TENM1: variants seen among roughly 807,000 people sequenced by gnomAD.
TENM1 encodes the protein teneurin-1.
In TENM1, 35 loss-of-function variants were observed where a neutral mutation model predicts 174.8. That is an observed-to-expected ratio of 0.20 (90% CI 0.15 to 0.27). TENM1 has a LOEUF of 0.27. Ranked by LOEUF, TENM1 falls within the 10% of genes least tolerant of loss-of-function variation. TENM1 has a pLI of 1.00. For synonymous variants in TENM1, 781 were observed against 798.7 expected (o/e 0.98, Z 0.37); for missense variants, 1,633 against 2,130.1 (o/e 0.77, Z 4.59).
At chrX:124,550,690 A>G (rs1376984905) in intron 14 of TENM1, among the ~76,000 whole-genome samples, 2 of 112,123 alleles carry the variant, frequency 1.8e-5, no homozygotes, top group African/African-American at 6.5e-5. Context: ...ATACATAGGT[A>G]TTTAGAGCAC....
intron 11 of TENM1, among the ~76,000 whole-genome samples, chrX:124,579,390 C>T (rs867746020): frequency 9.1e-6 from 1 of 109,424 alleles, no homozygotes; most frequent in Non-Finnish European, 1.9e-5. Context: ...TCTTTTCATG[C>T]TTTGGGGCTC....
chrX:124,416,903 T>C (rs1322283632), intron 25 of TENM1, among the ~76,000 whole-genome samples: 1 of 111,646 alleles, frequency 9.0e-6, no homozygotes, highest in African/African-American at 3.3e-5. Context: ...CTAGGTCCCT[T>C]TTCACTGTCC....
intron 5 of TENM1, among the ~76,000 whole-genome samples, chrX:124,699,675 A>C (rs1367463272): frequency 8.9e-6 from 1 of 111,785 alleles, no homozygotes; most frequent in Non-Finnish European, 1.9e-5. Context: ...AGTATGTTTA[A>C]TTTGGATTGG....
intron 4 of TENM1, among the ~76,000 whole-genome samples, chrX:124,706,776 T>G (rs977552254): frequency 9.0e-6 from 1 of 111,424 alleles, no homozygotes; most frequent in African/African-American, 3.3e-5. Flanking sequence ...GAACACTCAT[T>G]AGTATCTCTT....
the TENM1 span, among the ~76,000 whole-genome samples, chrX:125,011,720 T>C: frequency 2.7e-5 from 3 of 111,786 alleles, no homozygotes; most frequent in East Asian, 8.5e-4. Context: ...GAAATAGGAA[T>C]GCTTTTACAC....
chrX:124,392,026 C>A, intron 28 of TENM1, 26 bp downstream of exon 31: 1 of 1,153,961 alleles, frequency 8.7e-7, no homozygotes, highest in Non-Finnish European at 1.2e-6. Flanking sequence ...AAACTTGAAA[C>A]TTGTCTTTTT....
chrX:124,730,900 G>A (rs926632435), intron 4 of TENM1, among the ~76,000 whole-genome samples: 1 of 111,546 alleles, frequency 9.0e-6, no homozygotes, highest in African/African-American at 3.3e-5. Context: ...CTGAAGTAAA[G>A]TAGGTACAAT....
In TENM1 at chrX:124,480,607, A is replaced by G. The variant is rs185536318; in HGVS notation, c.3949+1125T>C. 4.5e-5 allele frequency among the ~76,000 whole-genome samples: 5 copies of G among 112,217 alleles called. No individual in the cohort carries two copies. The East Asian group carries it at 1.4e-3, about 31-fold the overall frequency. On this transcript the variant is annotated intron_variant, in intron 22 of 31. Coordinates refer to ENST00000422452, the Ensembl canonical transcript of TENM1. ...TATGCATGGAAAAGTCTAGAAGGAT[A>G]AATACTAAAATGTTTACAGTGGTTT...
intron 28 of TENM1, among the ~76,000 whole-genome samples, chrX:124,388,075 A>T (rs1389754776): frequency 8.9e-6 from 1 of 112,071 alleles, no homozygotes; most frequent in African/African-American, 3.2e-5. Context: ...CTTTTGCATT[A>T]TCTCTAGTCT....
intron 3 of TENM1, among the ~76,000 whole-genome samples, chrX:124,765,265 G>A (rs755702275): frequency 1.8e-5 from 2 of 112,007 alleles, no homozygotes; most frequent in South Asian, 3.7e-4. Flanking sequence ...GGACATGCAC[G>A]CTTATAATAA....
At chrX:124,694,050 A>G (rs1446731763) in intron 5 of TENM1, among the ~76,000 whole-genome samples, 7 of 111,361 alleles carry the variant, frequency 6.3e-5, no homozygotes, top group Non-Finnish European at 1.3e-4. Flanking sequence ...TCCTGAAATT[A>G]TACCTCTTGC....
chrX:125,006,742 C>T, the TENM1 span, among the ~76,000 whole-genome samples: 1 of 111,377 alleles, frequency 9.0e-6, no homozygotes, highest in Non-Finnish European at 1.9e-5. Context: ...CGAGTGGACA[C>T]CCAGCAAATT....
the TENM1 span, among the ~76,000 whole-genome samples, chrX:125,114,729 G>C: frequency 1.8e-5 from 2 of 111,202 alleles, no homozygotes; most frequent in Admixed American, 1.9e-4. Flanking sequence ...AACAAGTTCT[G>C]AAATTGAGGC....
intron 4 of TENM1, among the ~76,000 whole-genome samples, chrX:124,716,497 C>G (rs1451769442): frequency 8.9e-6 from 1 of 112,303 alleles, no homozygotes; most frequent in African/African-American, 3.2e-5. Context: ...ATGGAAGGAG[C>G]CTAGTACAAT....
intron 10 of TENM1, among the ~76,000 whole-genome samples, chrX:124,642,600 C>G (rs2051045854): frequency 8.9e-6 from 1 of 111,857 alleles, no homozygotes; most frequent in Admixed American, 9.5e-5. Flanking sequence ...CATGGCTTCT[C>G]CTTCTATGAG....
Position 124,924,582 on chromosome X carries a change from G to A in TENM1, c.218-28341C>T, listed in dbSNP as rs767559618. 3.3e-3 allele frequency among the ~76,000 whole-genome samples: 366 copies of A among 111,427 alleles called. 1 individual carries two copies. The highest frequency in any genetic ancestry group is 5.8e-3 in the Non-Finnish European group (310 of 53,053). ...CGTCCTTAAGAGTTACCTGCTCTGC[G>A]TTACCTGTTCTCCCAGGGACCATGA... On this transcript the variant is annotated intron_variant, in intron 1 of 31. Coordinates refer to ENST00000422452, the Ensembl canonical transcript of TENM1.
intron 5 of TENM1, among the ~76,000 whole-genome samples, chrX:124,696,915 A>G (rs1452645774): frequency 1.8e-5 from 2 of 110,940 alleles, no homozygotes; most frequent in African/African-American, 6.5e-5. Context: ...CAAAAATCAC[A>G]TTTCCATTCA....
chrX:124,897,905 A>G (rs1210179322), intron 1 of TENM1, among the ~76,000 whole-genome samples: 1 of 112,624 alleles, frequency 8.9e-6, no homozygotes, highest in Non-Finnish European at 1.9e-5. Flanking sequence ...ATTTTGCCCA[A>G]TATAAATTTT....
the TENM1 span, among the ~76,000 whole-genome samples, chrX:125,090,290 C>T: frequency 9.0e-6 from 1 of 111,304 alleles, no homozygotes; most frequent in Non-Finnish European, 1.9e-5. Context: ...GTTCACCAGG[C>T]TATTAAGGAC....
Sources: gnomAD v4.1 joint callset for allele counts (sites outside exome capture counted in the v4.1 genomes callset) on GRCh38, gnomAD v4.1.1 for gene constraint, MANE v1.5 for transcripts, NCBI Gene and HGNC (gene_info 2026-07-23, HGNC 2026-07-21) for gene names.